LRFN5: variants seen among roughly 807,000 people sequenced by gnomAD.
LRFN5 encodes leucine-rich repeat and fibronectin type-III domain-containing protein 5.
Under a neutral mutation model 45.6 loss-of-function variants are expected in LRFN5, and 24 were observed. The ratio of observed to expected loss-of-function variants is 0.53; its 90% CI spans 0.38 to 0.74. LRFN5 has a LOEUF of 0.74. Ranked by LOEUF, LRFN5 falls within the 30% of genes least tolerant of loss-of-function variation. LRFN5 has a pLI of 0.00. For missense variants in LRFN5, 776 were observed against 861.5 expected, an observed-to-expected ratio of 0.90 and a Z score of 1.24; for synonymous variants, 340 against 313.8, an observed-to-expected ratio of 1.08 and a Z score of -0.88.
chr14:41,807,895 C>T (rs1460535484), intron 2 of LRFN5, among the ~76,000 whole-genome samples: 3 of 151,874 alleles, frequency 2.0e-5, no homozygotes, highest in African/African-American at 7.3e-5. Flanking sequence ...AGGCTGACGC[C>T]ATCGAAGTGA....
chr14:41,722,187 A>G (rs1018272930), intron 1 of LRFN5, among the ~76,000 whole-genome samples: 51 of 152,114 alleles, frequency 3.4e-4, no homozygotes, highest in African/African-American at 1.2e-3. Flanking sequence ...ATATTTTGAA[A>G]TTCCTTAAGT....
intron 2 of LRFN5, among the ~76,000 whole-genome samples, chr14:41,815,084 A>G (rs1180236968): frequency 6.6e-6 from 1 of 152,162 alleles, no homozygotes; most frequent in Non-Finnish European, 1.5e-5. Context: ...GAGTTCAACT[A>G]GGTCCTTACT....
intron 2 of LRFN5, among the ~76,000 whole-genome samples, chr14:41,879,314 A>T (rs1453674049): frequency 6.6e-6 from 1 of 151,962 alleles, no homozygotes; most frequent in Non-Finnish European, 1.5e-5. Context: ...CTTCCTTTGG[A>T]GCAAATATTT....
chr14:41,881,248 G>C (rs546944310), intron 2 of LRFN5, among the ~76,000 whole-genome samples: 1 of 151,868 alleles, frequency 6.6e-6, no homozygotes, highest in South Asian at 2.1e-4. Context: ...ATTTTTCTTA[G>C]ATTTTGCCTA....
At chr14:41,614,341 A>G (rs1887862177) in intron 1 of LRFN5, among the ~76,000 whole-genome samples, 3 of 152,104 alleles carry the variant, frequency 2.0e-5, no homozygotes, top group East Asian at 3.9e-4. Context: ...CTCAACAAAA[A>G]TAGGCCTAAC....
In LRFN5 at chr14:41,891,625, G is replaced by C. The variant is rs189076635; in HGVS notation, c.1761G>C (p.Gln587His). The C allele has an allele frequency of 8.7e-6, 14 of 1,614,178 alleles. No individual in the cohort carries two copies. The Admixed American group carries it at 2.3e-4, about 27-fold the overall frequency. Residue 587 changes from glutamine (Q) to histidine (H), a missense_variant, in exon 4 of 6, where the codon CAG (glutamine) becomes CAC (histidine). Physicochemically the swap from Gln to His is conservative, Grantham distance 24. Around this residue, in one of 2 missense-constraint regions of LRFN5, gnomAD observed 465 missense variants for 456.4 expected, o/e 1.02. Transcript: ENST00000298119. ...QIQGCSVTLPQSVSKQAVGHE... is the reference protein window; with the variant it reads ...QIQGCSVTLPHSVSKQAVGHE... ...AAGGCTGTAGTGTAACGCTGCCCCA[G>C]TCCGTGTCCAAACAAGCTGTGGGAC...
At chr14:41,789,626 A>G (rs563824783) in intron 2 of LRFN5, among the ~76,000 whole-genome samples, 1 of 151,946 alleles carries the variant, frequency 6.6e-6, no homozygotes, top group Non-Finnish European at 1.5e-5. Flanking sequence ...CCCAGACCCA[A>G]GGGACTCTCA....
At chr14:41,803,168 T>C (rs1368470358) in intron 2 of LRFN5, among the ~76,000 whole-genome samples, 4 of 152,158 alleles carry the variant, frequency 2.6e-5, no homozygotes, top group African/African-American at 4.8e-5. Flanking sequence ...TCATAGCAGG[T>C]ATGAATTATC....
At chr14:41,820,862 A>AT (rs1197597626) in intron 2 of LRFN5, among the ~76,000 whole-genome samples, 5 of 151,898 alleles carry the variant, frequency 3.3e-5, no homozygotes, top group African/African-American at 9.7e-5. Flanking sequence ...GAGATATTTT[A>AT]TTTTTTGTAG....
intron 1 of LRFN5, among the ~76,000 whole-genome samples, chr14:41,709,169 T>C (rs1417752344): frequency 6.6e-6 from 1 of 152,048 alleles, no homozygotes; most frequent in Admixed American, 6.6e-5. Flanking sequence ...AATATCTTGG[T>C]TTCCTAGCAT....
intron 2 of LRFN5, among the ~76,000 whole-genome samples, chr14:41,832,957 C>A (rs1184816191): frequency 6.6e-6 from 1 of 152,200 alleles, no homozygotes; most frequent in Middle Eastern, 3.4e-3. Flanking sequence ...ATATATATAT[C>A]TGGAGAACAA....
chr14:41,628,405 A>G (rs1566594368), intron 1 of LRFN5, among the ~76,000 whole-genome samples: 3 of 152,106 alleles, frequency 2.0e-5, no homozygotes, highest in Non-Finnish European at 4.4e-5. Context: ...GGTAGGATCT[A>G]AAGACTGAGC....
chr14:41,606,890 C>CGCT lies in LRFN5; in HGVS notation c.-1869_-1868insGCT, dbSNP rs1887501334. The stretch of plus-strand genomic sequence containing the variant: ...CGCCCGCCGCCGCCGCCGCCGCCGC[C>CGCT]TTCATGCTGCAGCGCAGGGCTCAGT... On this transcript the variant is annotated 5_prime_UTR_variant, in exon 1 of 6. Transcript: ENST00000298119. 6.6e-6 allele frequency among the ~76,000 whole-genome samples: 1 copy of CGCT among 151,982 alleles called. No homozygotes were observed. The highest frequency in any genetic ancestry group is 2.4e-5 in the African/African-American group (1 of 41,434).
At chr14:41,714,574 G>A (rs1883412295) in intron 1 of LRFN5, among the ~76,000 whole-genome samples, 1 of 152,100 alleles carries the variant, frequency 6.6e-6, no homozygotes, top group Admixed American at 6.6e-5. Flanking sequence ...TTTCTGATGT[G>A]TGGAGAACAT....
intron 2 of LRFN5, among the ~76,000 whole-genome samples, chr14:41,848,110 C>G (rs1451318573): frequency 6.6e-6 from 1 of 151,908 alleles, no homozygotes; most frequent in Non-Finnish European, 1.5e-5. Flanking sequence ...AAGGAAGAAC[C>G]CCAGTTTAAT....
chr14:41,904,301 C>T lies in LRFN5; in HGVS notation c.*126C>T, dbSNP rs1284232737. On this transcript the variant is annotated 3_prime_UTR_variant, in exon 6 of 6. Transcript: ENST00000298119. ...CTGGTGTCGTAGAAGAAATTGTCTA[C>T]AGGAGCCAAGGTGAAAGTCTCTGAT... is the stretch of plus-strand genomic sequence containing the variant. 2 of 1,177,632 alleles carry T rather than the reference C, an allele frequency of 1.7e-6. No homozygotes were observed. 72.9% of individuals were successfully genotyped at this position (1,177,632 alleles called of 1,614,324 possible). A position where few individuals can be genotyped will look rare whatever the true frequency, so the allele number is the denominator to read the frequency against.
intron 1 of LRFN5, among the ~76,000 whole-genome samples, chr14:41,715,680 G>T (rs1883465485): frequency 6.6e-6 from 1 of 152,178 alleles, no homozygotes; most frequent in African/African-American, 2.4e-5. Context: ...TGCTTTGCAG[G>T]GTACAGTCTC....
intron 1 of LRFN5, among the ~76,000 whole-genome samples, chr14:41,648,554 C>T (rs1430953829): frequency 2.0e-5 from 3 of 151,980 alleles, no homozygotes; most frequent in Non-Finnish European, 4.4e-5. Context: ...TTAAAAAATG[C>T]TCAGGATTAA....
chr14:41,902,619 T>C (rs753474417), intron 5 of LRFN5, among the ~76,000 whole-genome samples: 2 of 151,856 alleles, frequency 1.3e-5, no homozygotes, highest in Non-Finnish European at 2.9e-5. Context: ...AGTAAATCTT[T>C]AAGATATGTC....
Sources: gnomAD v4.1 joint callset for allele counts (sites outside exome capture counted in the v4.1 genomes callset) on GRCh38, gnomAD v4.1.1 for gene constraint, gnomAD v4.1.1 regional missense constraint, MANE v1.5 for transcripts, NCBI Gene and HGNC (gene_info 2026-07-23, HGNC 2026-07-21) for gene names.